CDC42BPA: variants seen among roughly 807,000 people sequenced by gnomAD.
CDC42BPA encodes CDC42 binding protein kinase alpha.
Under a neutral mutation model 223.5 loss-of-function variants are expected in CDC42BPA, and 80 were observed. The ratio of observed to expected loss-of-function variants is 0.36; its 90% confidence interval spans 0.30 to 0.43. The LOEUF is 0.43. CDC42BPA is among the 20% of genes least tolerant of loss of function. The pLI is 1.00. For missense variants in CDC42BPA, 1,743 were observed against 2,099.9 expected (o/e 0.83, Z 3.32); for synonymous variants, 694 against 718.6 (o/e 0.97, Z 0.55).
At chr1:227,139,042 T>A (rs1659187354) in intron 10 of CDC42BPA, among the ~76,000 whole-genome samples, 1 of 152,144 alleles carries the variant, frequency 6.6e-6, no homozygotes, top group African/African-American at 2.4e-5. Flanking sequence ...AGAAGAGTTT[T>A]AGGTATTGTA....
rs1672628680 is a variant in CDC42BPA, at chr1:227,205,872, G to A, written c.355-6220C>T. Among the ~76,000 whole-genome samples, 4 of 152,006 alleles carry A rather than the reference G, an allele frequency of 2.6e-5. No homozygotes were observed. In the South Asian group the frequency reaches 8.3e-4, roughly 32 times the overall value. On this transcript the variant is annotated intron_variant, in intron 3 of 36. Transcript: ENST00000366766. The stretch of plus-strand genomic sequence containing the variant: ...GAGACTAGCCTGAGCAATATAGTGA[G>A]ACCCCATCTCTAAAGAAAATACAAA...
At position 227,318,153 on chromosome 1, in the gene CDC42BPA, C is replaced by CG. The variant is rs149726943; in HGVS notation, c.-972dup. 12 of 166,232 alleles carry CG rather than the reference C, an allele frequency of 7.2e-5. No individual in the cohort carries two copies. The highest frequency in any genetic ancestry group is 1.6e-4 in the East Asian group (1 of 6,168). The allele number at this position is 166,232 out of a possible 1,614,324, so 10.3% of individuals were successfully genotyped here. On this transcript the variant is annotated 5_prime_UTR_variant, in exon 1 of 37. Coordinates refer to ENST00000366766, the MANE Select transcript of CDC42BPA (RefSeq NM_001394014.1). ...CGCCGGAGGCTCCCGACGCCCCAGG[C>CG]GGGGGGGTGCTTCTCTGAATTCAAA... is the stretch of plus-strand genomic sequence containing the variant.
chr1:227,004,964 G>A (rs1282763068), intron 35 of CDC42BPA, 30 bp downstream of exon 35: 1 of 1,485,666 alleles, frequency 6.7e-7, no homozygotes, highest in East Asian at 2.3e-5. Flanking sequence ...CCCTGTCTCA[G>A]AGGCACCTTC....
At chr1:227,254,539 T>A (rs1682720867) in intron 1 of CDC42BPA, among the ~76,000 whole-genome samples, 1 of 152,178 alleles carries the variant, frequency 6.6e-6, no homozygotes, top group South Asian at 2.1e-4. Context: ...TCTTCAGCAA[T>A]TCCCACCAAG....
chr1:227,095,595 T>C (rs925105265), intron 15 of CDC42BPA, among the ~76,000 whole-genome samples: 2 of 150,352 alleles, frequency 1.3e-5, no homozygotes, highest in African/African-American at 4.9e-5. Flanking sequence ...TTTGGTTTTT[T>C]TTTTTTTTTT....
At chr1:227,152,994 A>G (rs547643087) in intron 6 of CDC42BPA, among the ~76,000 whole-genome samples, 23 of 152,104 alleles carry the variant, frequency 1.5e-4, no homozygotes, top group African/African-American at 5.5e-4. Context: ...ATATAATATA[A>G]AAGAAAATAC....
chr1:227,096,411 C>T (rs907587992), intron 15 of CDC42BPA, among the ~76,000 whole-genome samples: 3 of 152,192 alleles, frequency 2.0e-5, no homozygotes, highest in African/African-American at 7.2e-5. Flanking sequence ...CAATTCATTT[C>T]CTAAATCCTT....
intron 25 of CDC42BPA, among the ~76,000 whole-genome samples, chr1:227,035,238 T>A (rs1324130213): frequency 6.6e-6 from 1 of 152,182 alleles, no homozygotes; most frequent in Admixed American, 6.5e-5. Context: ...TTATGAAGAT[T>A]TCATCACAAG....
chr1:227,063,040 A>G (rs1676252730), intron 21 of CDC42BPA, among the ~76,000 whole-genome samples: 1 of 152,170 alleles, frequency 6.6e-6, no homozygotes, highest in Non-Finnish European at 1.5e-5. Context: ...TGATACTATC[A>G]CCACAGCAAT....
chr1:227,131,809 T>C (rs537656175), intron 10 of CDC42BPA, among the ~76,000 whole-genome samples: 3 of 152,308 alleles, frequency 2.0e-5, no homozygotes, highest in East Asian at 1.9e-4. Flanking sequence ...AATAAATCCA[T>C]ATTATTTAAG....
chr1:227,032,161 T>C lies in CDC42BPA; in HGVS notation c.3559-647A>G, dbSNP rs1287262584. ...TTAATATTTAAATGAAGGTTTATCA[T>C]TATACAAACAACACTATCAGAGCAG... On this transcript the variant is annotated intron_variant, in intron 27 of 36. Transcript: ENST00000366766. 8.5e-5 allele frequency among the ~76,000 whole-genome samples: 13 copies of C among 152,218 alleles called. No individual in the cohort carries two copies. The East Asian group carries it at 9.6e-4, about 11-fold the overall frequency.
At chr1:227,216,769 A>C (rs907806611) in intron 2 of CDC42BPA, among the ~76,000 whole-genome samples, 2 of 152,218 alleles carry the variant, frequency 1.3e-5, no homozygotes, top group Non-Finnish European at 2.9e-5. Context: ...ATCAAAATTA[A>C]AAGTACATTT....
intron 1 of CDC42BPA, among the ~76,000 whole-genome samples, chr1:227,291,079 T>C (rs531297349): frequency 3.3e-5 from 5 of 152,248 alleles, no homozygotes; most frequent in African/African-American, 7.2e-5. Flanking sequence ...ACCAATTATA[T>C]TGGTTCAGGA....
At chr1:227,041,260 G>A (rs1224735868) in intron 23 of CDC42BPA, among the ~76,000 whole-genome samples, 1 of 152,106 alleles carries the variant, frequency 6.6e-6, no homozygotes, top group Non-Finnish European at 1.5e-5. Flanking sequence ...CCCAGGTACT[G>A]AGCACAGTAC....
rs924961574 is a variant in CDC42BPA at position 227,183,946 on chromosome 1, A to G, written c.599+9840T>C. Among the ~76,000 whole-genome samples the G allele has an allele frequency of 3.9e-5, 6 of 152,212 alleles. 1 individual carries two copies. Among genetic ancestry groups the G allele is most frequent in the East Asian group, 3.8e-4 (2 of 5,198 alleles). On this transcript the variant is annotated intron_variant, in intron 5 of 36. Transcript: ENST00000366766. The stretch of plus-strand genomic sequence containing the variant: ...TTAACTGGCATTTTCGTAAAATTCA[A>G]TATCAGTATATTGAACATCTTTTCA...
At chr1:227,049,269 T>TAC (rs75855393) in intron 22 of CDC42BPA, among the ~76,000 whole-genome samples, 42,874 of 151,500 alleles carry the variant, frequency 0.28, 6,239 homozygotes, top group African/African-American at 0.35. Flanking sequence ...ATACAAGATC[T>TAC]AGAGTTTATA....
chr1:227,103,213 T>G (rs1028586956), intron 14 of CDC42BPA, among the ~76,000 whole-genome samples: 3 of 152,104 alleles, frequency 2.0e-5, no homozygotes, highest in Non-Finnish European at 2.9e-5. Context: ...TCATTTCTAT[T>G]TAATTGTTCA....
intron 1 of CDC42BPA, among the ~76,000 whole-genome samples, chr1:227,266,308 G>T (rs961253442): frequency 2.6e-5 from 4 of 152,024 alleles, no homozygotes; most frequent in Admixed American, 2.6e-4. Context: ...GCCCTTTCTC[G>T]AATGCTCTCT....
chr1:227,103,157 A>G (rs1390264316), intron 14 of CDC42BPA, among the ~76,000 whole-genome samples: 1 of 152,134 alleles, frequency 6.6e-6, no homozygotes, highest in Non-Finnish European at 1.5e-5. Context: ...ACCAACATGT[A>G]AAATAGTTAA....
Sources: allele counts gnomAD v4.1 joint callset (sites outside exome capture counted in the v4.1 genomes callset), GRCh38; gene constraint gnomAD v4.1.1; transcripts MANE v1.5; gene names NCBI Gene and HGNC (gene_info 2026-07-23, HGNC 2026-07-21).